The following COG5 variants were observed in gnomAD, a reference collection of about 807,000 sequenced individuals.
COG5 encodes the protein conserved oligomeric Golgi complex subunit 5.
In COG5, 86 loss-of-function variants were observed where a neutral mutation model predicts 110.4. The observed-to-expected ratio is 0.78, with a 90% CI of 0.65 to 0.93. COG5 has a LOEUF of 0.93. Ranked by LOEUF, COG5 falls within the 40% of genes least tolerant of loss-of-function variation. The probability of loss-of-function intolerance (pLI) is 0.00; values close to 1 mark genes in which losing one functional copy is unlikely to be tolerated. For missense variants in COG5, 1,077 were observed against 987.0 expected, an observed-to-expected ratio of 1.09 and a Z score of -1.22; for synonymous variants, 360 against 334.6, an observed-to-expected ratio of 1.08 and a Z score of -0.83.
At chr7:107,300,413 C>T (rs1807159211) in intron 11 of COG5, among the ~76,000 whole-genome samples, 1 of 151,962 alleles carries the variant, frequency 6.6e-6, no homozygotes, top group Non-Finnish European at 1.5e-5. Context: ...ATACAAGCAT[C>T]TATATGGAAA....
chr7:107,459,539 G>A (rs758116362), intron 6 of COG5, among the ~76,000 whole-genome samples: 10 of 152,058 alleles, frequency 6.6e-5, no homozygotes, highest in African/African-American at 9.7e-5. Flanking sequence ...GCTCACGACT[G>A]TAATTCCAGC....
chr7:107,392,400 G>A (rs1340105637), intron 7 of COG5, among the ~76,000 whole-genome samples: 1 of 152,068 alleles, frequency 6.6e-6, no homozygotes, highest in African/African-American at 2.4e-5. Context: ...CTAAAGACAG[G>A]GAAACTGAAG....
At chr7:107,260,347 T>C (rs1023856085) in intron 14 of COG5, among the ~76,000 whole-genome samples, 9 of 152,120 alleles carry the variant, frequency 5.9e-5, no homozygotes, top group Non-Finnish European at 1.3e-4. Context: ...AATGGTTACA[T>C]TTATATGAAA....
chr7:107,483,173 A>C (rs1797448187), intron 6 of COG5, among the ~76,000 whole-genome samples: 1 of 152,170 alleles, frequency 6.6e-6, no homozygotes, highest in South Asian at 2.1e-4. Flanking sequence ...CTGTATTATA[A>C]TAGTTTAGGT....
chr7:107,281,366 G>A lies in COG5; in HGVS notation c.1509C>T (p.Leu503=). The part of the protein sequence containing the change: ...ELNVAAVDTN[L]TLAVSKNVAK... The stretch of plus-strand genomic sequence containing the variant: ...CCACATTTTTTGACACAGCTAATGT[G>A]AGGTTTGTATCAACAGCAGCAACAT... Residue 503 remains leucine, a synonymous_variant, in exon 14 of 22, where the codon CTC becomes CTT. Coordinates refer to ENST00000297135, the MANE Select transcript of COG5 (RefSeq NM_006348.5). 1 of 1,613,454 alleles carries A rather than the reference G, an allele frequency of 6.2e-7. No homozygotes were observed.
intron 11 of COG5, among the ~76,000 whole-genome samples, chr7:107,317,991 G>A (rs1402096978): frequency 6.6e-6 from 1 of 152,114 alleles, no homozygotes; most frequent in Non-Finnish European, 1.5e-5. Flanking sequence ...TTAAAGGCTT[G>A]AAATTTTTAA....
At chr7:107,509,353 G>T (rs1554452536) in intron 6 of COG5, among the ~76,000 whole-genome samples, 1 of 152,152 alleles carries the variant, frequency 6.6e-6, no homozygotes, top group Non-Finnish European at 1.5e-5. Flanking sequence ...GAGAAAAAAA[G>T]AATAAAAAGA....
Position 107,222,629 on chromosome 7 carries a change from T to G in COG5, c.2168+7986A>C, listed in dbSNP as rs923793998. The stretch of plus-strand genomic sequence containing the variant: ...AAACAGACATTTTGTTTTGGGTGCT[T>G]GTTTTAAGAAGCTGAAAGAACATAG... On this transcript the variant is annotated intron_variant, in intron 19 of 21. Transcript: ENST00000297135. Among the ~76,000 whole-genome samples the G allele has an allele frequency of 2.6e-5, 4 of 152,240 alleles. No homozygotes were observed. The East Asian group carries it at 7.7e-4, about 29-fold the overall frequency.
intron 21 of COG5, chr7:107,209,002 G>A: frequency 2.1e-6 from 2 of 970,022 alleles, no homozygotes; most frequent in Non-Finnish European, 2.5e-6. Context: ...TGGAGATTCT[G>A]AGGTAGGCAA....
chr7:107,299,901 CAT>C (rs1326338754), intron 11 of COG5, among the ~76,000 whole-genome samples: 1 of 98,562 alleles, frequency 1.0e-5, no homozygotes, highest in Non-Finnish European at 2.4e-5. Flanking sequence ...TATGGAATTA[CAT>C]ATATATATAG....
At chr7:107,518,101 C>T (rs1053615569) in intron 6 of COG5, among the ~76,000 whole-genome samples, 6 of 152,120 alleles carry the variant, frequency 3.9e-5, no homozygotes, top group African/African-American at 1.4e-4. Context: ...TCTAGACAAG[C>T]AAATGCTAAG....
intron 14 of COG5, among the ~76,000 whole-genome samples, chr7:107,260,150 T>C (rs528417307): frequency 6.6e-6 from 1 of 150,758 alleles, no homozygotes; most frequent in Non-Finnish European, 1.5e-5. Context: ...GCAGCATTTA[T>C]TCATAATAAT....
chr7:107,265,797 G>C (rs1179644947), intron 14 of COG5, among the ~76,000 whole-genome samples: 2 of 152,150 alleles, frequency 1.3e-5, no homozygotes, highest in Admixed American at 6.6e-5. Context: ...GCTCACGCCT[G>C]TAATCCCAGC....
chr7:107,554,419 T>C, intron 2 of COG5, 77 bp from the exon 3 acceptor site: 1 of 1,265,446 alleles, frequency 7.9e-7, no homozygotes, highest in Non-Finnish European at 1.2e-6. Context: ...GAATGGACAG[T>C]CTCTCTTGGT....
chr7:107,340,553 T>C (rs541817988), intron 10 of COG5, among the ~76,000 whole-genome samples: 2 of 152,076 alleles, frequency 1.3e-5, no homozygotes, highest in East Asian at 3.9e-4. Context: ...CACCCTGATA[T>C]CAAAATGTGG....
intron 8 of COG5, among the ~76,000 whole-genome samples, chr7:107,369,898 T>G (rs1237176745): frequency 6.6e-6 from 1 of 152,162 alleles, no homozygotes; most frequent in African/African-American, 2.4e-5. Context: ...ATCTGATGAT[T>G]AATTTCTATT....
intron 10 of COG5, among the ~76,000 whole-genome samples, chr7:107,341,602 A>G (rs905626806): frequency 6.6e-6 from 1 of 152,164 alleles, no homozygotes; most frequent in Non-Finnish European, 1.5e-5. Context: ...AAAGCTGAAG[A>G]CATTACATTA....
chr7:107,285,905 C>G (rs569987440), intron 12 of COG5, among the ~76,000 whole-genome samples: 1 of 150,166 alleles, frequency 6.7e-6, no homozygotes, highest in Non-Finnish European at 1.5e-5. Flanking sequence ...AAAGCTTACA[C>G]AGTAACAGGA....
chr7:107,457,158 T>C (rs1795712603), intron 6 of COG5, among the ~76,000 whole-genome samples: 1 of 152,008 alleles, frequency 6.6e-6, no homozygotes, highest in African/African-American at 2.4e-5. Context: ...TATTCACAGA[T>C]TTAAAGAAAC....
Sources: allele counts gnomAD v4.1 joint callset (sites outside exome capture counted in the v4.1 genomes callset), GRCh38; gene constraint gnomAD v4.1.1; transcripts MANE v1.5; gene names NCBI Gene and HGNC (gene_info 2026-07-23, HGNC 2026-07-21).